The following ACTR8 variants were observed in gnomAD, a reference collection of about 807,000 sequenced individuals.
ACTR8 encodes actin related protein 8.
In ACTR8, 70 loss-of-function variants were observed where a neutral mutation model predicts 84.3. The ratio of observed to expected loss-of-function variants is 0.83; its 90% CI spans 0.68 to 1.01. ACTR8 has a LOEUF of 1.01. ACTR8 is among the 50% of genes least tolerant of loss of function. The probability of loss-of-function intolerance (pLI) is 0.00; values close to 1 mark genes in which losing one functional copy is unlikely to be tolerated. For missense variants in ACTR8, 672 were observed against 775.4 expected, an observed-to-expected ratio of 0.87 and a Z score of 1.58; for synonymous variants, 268 against 275.2, an observed-to-expected ratio of 0.97 and a Z score of 0.26.
intron 3 of ACTR8, among the ~76,000 whole-genome samples, 183 bp from the exon 4 acceptor site, chr3:53,877,934 T>A (rs929665996): frequency 4.6e-5 from 7 of 152,216 alleles, no homozygotes; most frequent in Non-Finnish European, 8.8e-5. Context: ...GGGGTTCTTT[T>A]TCCCCCAATT....
intron 8 of ACTR8, among the ~76,000 whole-genome samples, chr3:53,873,655 C>T (rs1026294060): frequency 6.6e-6 from 1 of 152,112 alleles, no homozygotes; most frequent in African/African-American, 2.4e-5. Context: ...CAGGATGAGA[C>T]AGAGAAATTT....
At chr3:53,864,906 G>C (rs759547152), downstream of ACTR8, 9 of 1,614,190 alleles carry the variant, frequency 5.6e-6, no homozygotes, top group Non-Finnish European at 7.6e-6. Flanking sequence ...AAAAGTGGCA[G>C]AAAAAGAAAA....
intron 8 of ACTR8, 59 bp downstream of exon 8, chr3:53,874,152 A>C (rs1576864149): frequency 6.5e-7 from 1 of 1,542,042 alleles, no homozygotes; most frequent in Non-Finnish European, 8.8e-7. Flanking sequence ...AGTATCTTTT[A>C]AATCTCTTAA....
chr3:53,871,503 A>C lies in ACTR8; in HGVS notation c.1303-7T>G. 1 of 1,613,714 alleles carries C rather than the reference A, an allele frequency of 6.2e-7. No individual in the cohort carries two copies. The highest frequency in any genetic ancestry group is 8.5e-7 in the Non-Finnish European group (1 of 1,179,898). On this transcript the variant is annotated splice_polypyrimidine_tract_variant and splice_region_variant and intron_variant, in intron 10 of 12. Transcript: ENST00000335754. ...CAGCAGTAGCTTTTGCAGACTTTAA[A>C]TCAAAAGGACAATCAAGTATGTGGT... is the stretch of plus-strand genomic sequence containing the variant.
Position 53,871,343 on chromosome 3 carries a change from C to T in ACTR8, c.1456G>A (p.Asp486Asn), listed in dbSNP as rs376181693. The T allele has an allele frequency of 7.4e-6, 12 of 1,614,124 alleles. No homozygotes were observed. Among genetic ancestry groups the T allele is most frequent in the African/African-American group, 6.7e-5 (5 of 74,944 alleles). Residue 486 changes from aspartate to asparagine, a missense_variant, in exon 11 of 13, where the codon GAT (aspartate) becomes AAT (asparagine). By Grantham distance (23) the Asp-to-Asn change is conservative (BLOSUM62 1). Coordinates refer to ENST00000335754, the MANE Select transcript of ACTR8 (RefSeq NM_022899.5). Reference protein sequence around the residue: ...AQGDGLMAGNDSEEALTALMS... With the variant: ...AQGDGLMAGNNSEEALTALMS... ...AGTGCAGTGAGGGCCTCCTCGGAAT[C>T]GTTGCCGGCCATCAGGCCATCTCCC... is the stretch of plus-strand genomic sequence containing the variant.
intron 11 of ACTR8, 92 bp downstream of exon 11, chr3:53,871,140 T>G (rs1699877060): frequency 6.7e-7 from 1 of 1,493,438 alleles, no homozygotes; most frequent in African/African-American, 1.4e-5. Flanking sequence ...AATGAATATG[T>G]TATACTGCAC....
In ACTR8 at chr3:53,871,534, A is replaced by G. The variant is rs759572461; in HGVS notation, c.1303-38T>C. On this transcript the variant is annotated intron_variant, in intron 10 of 12. Transcript: ENST00000335754. ...AGGACAATCAAGTATGTGGTATTAC[A>G]ACAACAGAACACTATTGATGTTGTC... The G allele has an allele frequency of 6.2e-6, 10 of 1,606,812 alleles. No homozygotes were observed. The Admixed American group carries it at 1.0e-4, about 16-fold the overall frequency.
intron 12 of ACTR8, 30 bp from the exon 13 acceptor site, chr3:53,868,892 A>C (rs962148115): frequency 6.2e-7 from 1 of 1,609,802 alleles, no homozygotes; most frequent in Admixed American, 1.7e-5. Flanking sequence ...ATTTCAGCCT[A>C]ATCACATAAG....
At position 53,870,224 on chromosome 3, in the gene ACTR8, T is replaced by A; in HGVS notation, c.1568-79A>T. On this transcript the variant is annotated intron_variant, in intron 11 of 12. Coordinates refer to ENST00000335754, the MANE Select transcript of ACTR8 (RefSeq NM_022899.5). The surrounding 1 kb of genome is among the most constrained non-coding windows in gnomAD (Gnocchi z 4.1). ...GGCCAAGCCACCAACACCTCTTGCTTGAGCAAGTGCAATAGCCTTCTCAAA... is the reference window on the plus strand; with the variant it reads ...GGCCAAGCCACCAACACCTCTTGCTAGAGCAAGTGCAATAGCCTTCTCAAA... 6.6e-7 allele frequency: 1 copy of A among 1,520,066 alleles called. No individual in the cohort carries two copies. Among genetic ancestry groups the A allele is most frequent in the East Asian group, 2.3e-5 (1 of 44,094 alleles). 94.2% of individuals were successfully genotyped at this position (1,520,066 alleles called of 1,614,324 possible). A position where few individuals can be genotyped will look rare whatever the true frequency, so the allele number is the denominator to read the frequency against.
chr3:53,860,064 A>C, the ACTR8 span: 2 of 1,060,744 alleles, frequency 1.9e-6, no homozygotes, highest in Admixed American at 2.0e-5. Flanking sequence ...ACCAAGTCTT[A>C]GTTTTTAAAT....
chr3:53,873,977 A>C (rs1274955691), intron 8 of ACTR8, among the ~76,000 whole-genome samples: 1 of 152,030 alleles, frequency 6.6e-6, no homozygotes, highest in Non-Finnish European at 1.5e-5. Context: ...GGTGCCCGCC[A>C]CCACGCCCGG....
At chr3:53,878,119 C>A (rs533091099) in intron 3 of ACTR8, among the ~76,000 whole-genome samples, 9 of 152,300 alleles carry the variant, frequency 5.9e-5, no homozygotes, top group African/African-American at 1.9e-4. Flanking sequence ...TGGAATCACA[C>A]CTTCTCAGGT....
chr3:53,881,629 A>G, intron 1 of ACTR8: 1 of 398,610 alleles, frequency 2.5e-6, no homozygotes, highest in East Asian at 6.5e-5. Flanking sequence ...GCCACCATTT[A>G]ACCCTCACGG....
downstream of ACTR8, chr3:53,865,070 C>A (rs2107036748): frequency 1.1e-5 from 17 of 1,614,158 alleles, no homozygotes; most frequent in Non-Finnish European, 1.4e-5. Context: ...GACCTCTTCC[C>A]CCTTGCCTTT....
chr3:53,882,119 A>G lies in ACTR8; in HGVS notation c.-18T>C. 2 of 1,550,998 alleles carry G rather than the reference A, an allele frequency of 1.3e-6. No individual in the cohort carries two copies. Among genetic ancestry groups the G allele is most frequent in the Non-Finnish European group, 8.7e-7 (1 of 1,146,614 alleles). Reference sequence around the variant, plus strand: ...TGGGTCATTATGGCCGGAGACACCCACCAACCTCTCGCCTCAGCGCTGCAG... The same window carrying G: ...TGGGTCATTATGGCCGGAGACACCCGCCAACCTCTCGCCTCAGCGCTGCAG... On this transcript the variant is annotated 5_prime_UTR_variant, in exon 1 of 13. Coordinates refer to ENST00000335754, the MANE Select transcript of ACTR8 (RefSeq NM_022899.5).
rs780472666 is a variant in ACTR8, at chr3:53,871,264, T to C, written c.1535A>G (p.Asp512Gly). 1.2e-6 allele frequency: 2 copies of C among 1,614,242 alleles called. No individual in the cohort carries two copies. Among genetic ancestry groups the C allele is most frequent in the Non-Finnish European group, 1.7e-6 (2 of 1,180,024 alleles). Residue 512 changes from aspartate to glycine, a missense_variant, in exon 11 of 13, where the codon GAT becomes GGT. By Grantham distance (94) the Asp-to-Gly change is moderately conservative (BLOSUM62 -1). Coordinates refer to ENST00000335754, the MANE Select transcript of ACTR8 (RefSeq NM_022899.5). ...SLFEGKALGL[D>G]KAILHSIDCC... ...GTCTATGCTATGGAGGATGGCTTTA[T>C]CCAGGCCCAGGGCTTTTCCTTCAAA...
chr3:53,866,319 G>A (rs1699776488), downstream of ACTR8, among the ~76,000 whole-genome samples: 1 of 152,168 alleles, frequency 6.6e-6, no homozygotes, highest in African/African-American at 2.4e-5. Context: ...TGGAGGTCAA[G>A]GGTGCAGTAA....
chr3:53,874,506 CTT>C, intron 7 of ACTR8, 142 bp from the exon 8 acceptor site: 1 of 795,732 alleles, frequency 1.3e-6, no homozygotes, highest in Non-Finnish European at 1.9e-6. Flanking sequence ...GAGCAGATCA[CTT>C]GAGGCCAGGA....
chr3:53,877,177 T>TTC, intron 5 of ACTR8, 37 bp downstream of exon 5: 1 of 1,549,110 alleles, frequency 6.5e-7, no homozygotes, highest in South Asian at 1.2e-5. Context: ...ACCAAGAATC[T>TTC]TAAAAACAAT....
Sources: gnomAD v4.1 joint callset for allele counts (sites outside exome capture counted in the v4.1 genomes callset) on GRCh38, gnomAD v4.1.1 for gene constraint, Gnocchi (gnomAD v3.1) non-coding constraint, MANE v1.5 for transcripts, NCBI Gene and HGNC (gene_info 2026-07-23, HGNC 2026-07-21) for gene names.